DGKB: variants seen among roughly 807,000 people sequenced by gnomAD.
DGKB encodes diacylglycerol kinase beta.
In DGKB, 67 loss-of-function variants were observed where a neutral mutation model predicts 114.3. That is an observed-to-expected ratio of 0.59 (90% confidence interval 0.48 to 0.72). The LOEUF is 0.72. DGKB is among the 30% of genes least tolerant of loss of function. The probability of loss-of-function intolerance (pLI) is 0.00; values close to 1 mark genes in which losing one functional copy is unlikely to be tolerated. For missense variants in DGKB, 907 were observed against 975.2 expected, an observed-to-expected ratio of 0.93 and a Z score of 0.93; for synonymous variants, 398 against 323.1, an observed-to-expected ratio of 1.23 and a Z score of -2.49.
At position 14,343,157 on chromosome 7, in the gene DGKB, C is replaced by CCCCACA. The variant is rs147711009; in HGVS notation, c.1926+2143_1926+2144insTGTGGG. Reference sequence around the variant, plus strand: ...AGAGAAGCAGATTTTGCCTAGCTATCCACACACACACACACACACACACAC... The same window carrying CCCCACA: ...AGAGAAGCAGATTTTGCCTAGCTATCCCCACACACACACACACACACACACACACAC... On this transcript the variant is annotated intron_variant, in intron 22 of 25. Coordinates refer to ENST00000402815, the MANE Select transcript of DGKB (RefSeq NM_001350709.2). Among the ~76,000 whole-genome samples, 1,167 of 132,920 alleles carry CCCCACA rather than the reference C, an allele frequency of 8.8e-3. 10 individuals are homozygous for CCCCACA. Among genetic ancestry groups the CCCCACA allele is most frequent in the Middle Eastern group, 0.015 (4 of 272 alleles). 87.2% of individuals were successfully genotyped at this position (132,920 alleles called of 152,430 possible).
At chr7:14,318,395 A>T (rs1303255075) in intron 23 of DGKB, among the ~76,000 whole-genome samples, 3 of 152,184 alleles carry the variant, frequency 2.0e-5, no homozygotes, top group African/African-American at 4.8e-5. Flanking sequence ...CATCTGACAA[A>T]GGGCTAATAT....
At chr7:14,953,525 A>T (rs867678362) in intron 1 of DGKB, among the ~76,000 whole-genome samples, 2 of 152,088 alleles carry the variant, frequency 1.3e-5, no homozygotes, top group African/African-American at 4.8e-5. Context: ...CACGAGGATG[A>T]TTATAATAAA....
intron 23 of DGKB, among the ~76,000 whole-genome samples, chr7:14,296,666 G>A (rs960241457): frequency 6.6e-6 from 1 of 150,544 alleles, no homozygotes; most frequent in Non-Finnish European, 1.5e-5. Flanking sequence ...AAATTCAAAA[G>A]CTAGCAGAAG....
rs538915120 is a variant in DGKB at position 14,935,384 on chromosome 7, T to C, written c.-188+39312A>G. On this transcript the variant is annotated intron_variant, in intron 1 of 4. Transcript: ENST00000437998. ...ATGATTAGAATGCCAACCAAAATGG[T>C]TTTTGTTTTTAATTAAAATATCCCA... is the stretch of plus-strand genomic sequence containing the variant. Among the ~76,000 whole-genome samples the C allele has an allele frequency of 6.6e-4, 101 of 152,168 alleles. 1 individual carries two copies. Among genetic ancestry groups the C allele is most frequent in the African/African-American group, 2.2e-3 (93 of 41,526 alleles).
intron 20 of DGKB, among the ~76,000 whole-genome samples, chr7:14,489,434 A>C (rs1386122500): frequency 6.6e-6 from 1 of 152,118 alleles, no homozygotes; most frequent in African/African-American, 2.4e-5. Context: ...TATCTTTCTC[A>C]GTTAAGGCAC....
At chr7:14,662,986 C>T (rs536155599) in intron 13 of DGKB, among the ~76,000 whole-genome samples, 21 of 152,028 alleles carry the variant, frequency 1.4e-4, no homozygotes, top group Non-Finnish European at 2.5e-4. Context: ...TCTTAGCACT[C>T]ACCATCAGCT....
chr7:14,440,234 T>C (rs1829889722), intron 21 of DGKB, among the ~76,000 whole-genome samples: 1 of 152,132 alleles, frequency 6.6e-6, no homozygotes, highest in African/African-American at 2.4e-5. Flanking sequence ...CAAGAAACAC[T>C]TGTGCCTGGG....
chr7:14,433,271 T>C (rs934453419), intron 21 of DGKB, among the ~76,000 whole-genome samples: 14 of 152,186 alleles, frequency 9.2e-5, no homozygotes, highest in African/African-American at 3.1e-4. Flanking sequence ...TGAGACTTCA[T>C]TGCAGTTCAA....
chr7:14,387,973 G>A (rs983394072), intron 21 of DGKB, among the ~76,000 whole-genome samples: 4 of 150,154 alleles, frequency 2.7e-5, no homozygotes, highest in Non-Finnish European at 5.9e-5. Flanking sequence ...TCCACCCCCC[G>A]GGTTAAAGTG....
intron 20 of DGKB, among the ~76,000 whole-genome samples, chr7:14,486,876 T>A (rs1783891305): frequency 6.6e-6 from 1 of 152,220 alleles, no homozygotes; most frequent in Non-Finnish European, 1.5e-5. Context: ...TGTTTTATAT[T>A]TTCCACTATA....
intron 7 of DGKB, 140 bp from the exon 8 acceptor site, chr7:14,698,309 C>T: frequency 1.9e-6 from 1 of 522,000 alleles, no homozygotes; most frequent in Non-Finnish European, 3.4e-6. Context: ...TGTACATAAT[C>T]CTTTTTAAAG....
intron 4 of DGKB, among the ~76,000 whole-genome samples, chr7:14,739,577 C>T (rs377222064): frequency 6.6e-6 from 1 of 152,154 alleles, no homozygotes; most frequent in African/African-American, 2.4e-5. Flanking sequence ...ATGAGACAAG[C>T]ACCCAGATTT....
intron 23 of DGKB, among the ~76,000 whole-genome samples, chr7:14,302,310 C>T (rs984082971): frequency 6.6e-6 from 1 of 151,986 alleles, no homozygotes; most frequent in Non-Finnish European, 1.5e-5. Flanking sequence ...GCCAATCTTC[C>T]TCTATTTTGG....
chr7:14,425,955 G>T (rs923480534), intron 21 of DGKB, among the ~76,000 whole-genome samples: 3 of 152,006 alleles, frequency 2.0e-5, no homozygotes. Context: ...ATTTTTGTTG[G>T]TAACAGTTTG....
chr7:14,244,497 G>A lies in DGKB; in HGVS notation c.2123-66346C>T, dbSNP rs566377201. Reference sequence around the variant, plus strand: ...CGGTGAAACCCCGTCTCTACTAAAAGTACAAAAAGAAAAAAAAAGAAAAAC... The same window carrying A: ...CGGTGAAACCCCGTCTCTACTAAAAATACAAAAAGAAAAAAAAAGAAAAAC... On this transcript the variant is annotated intron_variant, in intron 23 of 25. Transcript: ENST00000402815. Among the ~76,000 whole-genome samples, 927 of 103,386 alleles carry A rather than the reference G, an allele frequency of 9.0e-3. 12 individuals carry two copies. The highest frequency in any genetic ancestry group is 0.033 in the African/African-American group (805 of 24,472). The allele number at this position is 103,386 out of a possible 152,430, so 67.8% of individuals were successfully genotyped here. A position where few individuals can be genotyped will look rare whatever the true frequency, so the allele number is the denominator to read the frequency against.
intron 23 of DGKB, chr7:14,209,173 GA>G (rs11303119): frequency 0.36 from 90,896 of 254,662 alleles, 15,492 homozygotes; most frequent in African/African-American, 0.61. Flanking sequence ...ACTACTGATA[GA>G]AAAAAAAAAA....
At chr7:14,839,025 G>A (rs147603625) in intron 2 of DGKB, among the ~76,000 whole-genome samples, 6 of 151,860 alleles carry the variant, frequency 4.0e-5, no homozygotes, top group African/African-American at 1.2e-4. Context: ...TTCCCTTTCC[G>A]TTCCTATCTC....
At position 14,768,290 on chromosome 7, in the gene DGKB, C is replaced by T. The variant is rs1032027216; in HGVS notation, c.71-10559G>A. 2.0e-5 allele frequency among the ~76,000 whole-genome samples: 3 copies of T among 151,926 alleles called. No individual in the cohort carries two copies. The South Asian group carries it at 6.2e-4, about 31-fold the overall frequency. ...GAAGGAGGCTATAACTAACTGGACA[C>T]ATAATTAAATGTAGTTGAAGAATTT... On this transcript the variant is annotated intron_variant, in intron 2 of 25. Coordinates refer to ENST00000402815, the MANE Select transcript of DGKB (RefSeq NM_001350709.2).
At chr7:14,489,927 G>C (rs1182133467) in intron 20 of DGKB, among the ~76,000 whole-genome samples, 1 of 152,172 alleles carries the variant, frequency 6.6e-6, no homozygotes, top group Non-Finnish European at 1.5e-5. Context: ...CTGGGACAGA[G>C]AGAAGGGAGC....
Sources: allele counts gnomAD v4.1 joint callset (sites outside exome capture counted in the v4.1 genomes callset), GRCh38; gene constraint gnomAD v4.1.1; transcripts MANE v1.5; gene names NCBI Gene and HGNC (gene_info 2026-07-23, HGNC 2026-07-21).